Variants in SUDS3 observed in about 807,000 individuals in gnomAD.
The protein encoded by SUDS3 is sin3 histone deacetylase corepressor complex component SDS3.
Under a neutral mutation model 53.5 loss-of-function variants are expected in SUDS3, and 23 were observed. That is an observed-to-expected ratio of 0.43 (90% CI 0.31 to 0.61). The LOEUF is 0.61. SUDS3 is among the 20% of genes least tolerant of loss of function. The pLI is 0.10. For missense variants in SUDS3, 291 were observed against 405.9 expected, an observed-to-expected ratio of 0.72 and a Z score of 2.43; for synonymous variants, 150 against 148.5, an observed-to-expected ratio of 1.01 and a Z score of -0.08.
At chr12:118,405,399 C>A (rs965413541) in intron 10 of SUDS3, among the ~76,000 whole-genome samples, 3 of 152,014 alleles carry the variant, frequency 2.0e-5, no homozygotes, top group African/African-American at 7.3e-5. Context: ...AAATAAAATT[C>A]TTGTTTTTTT....
In SUDS3 at chr12:118,415,244, GGTA is replaced by G. The variant is rs1344129541; in HGVS notation, c.*818_*820del. ...CCTTCCTCTCCCTTGTTCCCAAGTA[GGTA>G]GTAGTAAGTATGTGCCACAGGCTGA... On this transcript the variant is annotated 3_prime_UTR_variant, in exon 12 of 12. Coordinates refer to ENST00000543473, the MANE Select transcript of SUDS3 (RefSeq NM_022491.3). The G allele has an allele frequency of 1.3e-5, 2 of 152,182 alleles. No homozygotes were observed. The highest frequency in any genetic ancestry group is 4.8e-5 in the African/African-American group (2 of 41,428). 9.4% of individuals were successfully genotyped at this position (152,182 alleles called of 1,614,324 possible). A position where few individuals can be genotyped will look rare whatever the true frequency, so the allele number is the denominator to read the frequency against.
chr12:118,389,401 G>A (rs1240155956), intron 4 of SUDS3, among the ~76,000 whole-genome samples: 1 of 152,166 alleles, frequency 6.6e-6, no homozygotes, highest in Non-Finnish European at 1.5e-5. Flanking sequence ...ACTGTTGGCG[G>A]GTGGACTGAG....
Position 118,376,583 on chromosome 12 carries a change from C to G in SUDS3, c.-109C>G. On this transcript the variant is annotated 5_prime_UTR_variant, in exon 1 of 12. Coordinates refer to ENST00000543473, the MANE Select transcript of SUDS3 (RefSeq NM_022491.3). ...GACGGGGAAGGGGTCGCCGTGGCTG[C>G]CGGTCCTCGAGTTGGGGGCTGCCGC... The G allele has an allele frequency of 8.1e-7, 1 of 1,234,222 alleles. No individual in the cohort carries two copies. Among genetic ancestry groups the G allele is most frequent in the Non-Finnish European group, 1.0e-6 (1 of 982,474 alleles). 76.5% of individuals were successfully genotyped at this position (1,234,222 alleles called of 1,614,324 possible). A position where few individuals can be genotyped will look rare whatever the true frequency, so the allele number is the denominator to read the frequency against.
chr12:118,388,434 C>T (rs2141367832), intron 4 of SUDS3, among the ~76,000 whole-genome samples: 1 of 152,212 alleles, frequency 6.6e-6, no homozygotes, highest in African/African-American at 2.4e-5. Context: ...ACGCACAGCC[C>T]CCTGTCACCC....
Position 118,386,587 on chromosome 12 carries a change from GTCT to G in SUDS3, c.340+407_340+409del, listed in dbSNP as rs1322313328. Among the ~76,000 whole-genome samples, 7 of 152,140 alleles carry G rather than the reference GTCT, an allele frequency of 4.6e-5. No individual in the cohort carries two copies. The East Asian group carries it at 5.8e-4, about 13-fold the overall frequency. On this transcript the variant is annotated intron_variant, in intron 4 of 11. Transcript: ENST00000543473. ...GTATTTTGTGCTAGGATTGGGGAGG[GTCT>G]TCTTGTTATTTTCCCCAAGTATTGT... is the stretch of plus-strand genomic sequence containing the variant.
At chr12:118,385,426 C>T (rs994271653) in intron 3 of SUDS3, among the ~76,000 whole-genome samples, 11 of 152,178 alleles carry the variant, frequency 7.2e-5, no homozygotes, top group Admixed American at 2.0e-4. Context: ...GCTGTTTCTA[C>T]TATGTGCTTT....
At chr12:118,403,900 A>G (rs1856591742) in intron 10 of SUDS3, among the ~76,000 whole-genome samples, 1 of 152,188 alleles carries the variant, frequency 6.6e-6, no homozygotes, top group Admixed American at 6.5e-5. Flanking sequence ...TTTGTGGTCA[A>G]ATCAGTTTGG....
chr12:118,376,924 T>C (rs2046002629), intron 1 of SUDS3, 91 bp downstream of exon 1: 2 of 1,336,224 alleles, frequency 1.5e-6, no homozygotes, highest in South Asian at 3.5e-5. Context: ...CGGGGCGGCC[T>C]CCGGGGCCTG....
At position 118,403,572 on chromosome 12, in the gene SUDS3, G is replaced by A. The variant is rs574628826; in HGVS notation, c.803+55G>A. The stretch of plus-strand genomic sequence containing the variant: ...GAGTCTCATATGAACCACTTGGAAA[G>A]AGGGCTGGGGCTATTGTAGTTATTT... On this transcript the variant is annotated intron_variant, in intron 10 of 11. Transcript: ENST00000543473. 1.4e-5 allele frequency: 20 copies of A among 1,385,680 alleles called. No homozygotes were observed. The South Asian group carries it at 2.2e-4, about 15-fold the overall frequency. The allele number at this position is 1,385,680 out of a possible 1,614,324, so 85.8% of individuals were successfully genotyped here. A position where few individuals can be genotyped will look rare whatever the true frequency, so the allele number is the denominator to read the frequency against.
intron 10 of SUDS3, among the ~76,000 whole-genome samples, chr12:118,409,392 A>G (rs1367502405): frequency 1.1e-4 from 16 of 152,034 alleles, no homozygotes; most frequent in African/African-American, 1.4e-4. Context: ...TGATCTGCCC[A>G]CCTTGGCCTC....
intron 10 of SUDS3, chr12:118,404,491 TG>T (rs2046292920): frequency 1.3e-5 from 2 of 152,266 alleles, no homozygotes; most frequent in Non-Finnish European, 2.9e-5. Context: ...CAAAACAGTA[TG>T]AAAGAACCTT....
At position 118,382,937 on chromosome 12, in the gene SUDS3, G is replaced by A. The variant is rs553906047; in HGVS notation, c.213-1075G>A. 1.3e-4 allele frequency among the ~76,000 whole-genome samples: 20 copies of A among 152,192 alleles called. No individual in the cohort carries two copies. The South Asian group carries it at 3.9e-3, about 30-fold the overall frequency. Reference sequence around the variant, plus strand: ...CCCGCCTCGGCCTCCTAAAGTGCTGGGATTACAGGCGTGAGCCACCTTGCC... The same window carrying A: ...CCCGCCTCGGCCTCCTAAAGTGCTGAGATTACAGGCGTGAGCCACCTTGCC... On this transcript the variant is annotated intron_variant, in intron 2 of 11. Coordinates refer to ENST00000543473, the MANE Select transcript of SUDS3 (RefSeq NM_022491.3).
chr12:118,409,391 C>T (rs1277973202), intron 10 of SUDS3, among the ~76,000 whole-genome samples: 10 of 152,118 alleles, frequency 6.6e-5, no homozygotes, highest in African/African-American at 1.4e-4. Flanking sequence ...GTGATCTGCC[C>T]ACCTTGGCCT....
chr12:118,385,064 G>A (rs894830417), intron 3 of SUDS3, among the ~76,000 whole-genome samples: 3 of 152,054 alleles, frequency 2.0e-5, no homozygotes, highest in Non-Finnish European at 4.4e-5. Context: ...TGAGCTCTTC[G>A]GTTTCATATT....
chr12:118,389,875 T>C, intron 4 of SUDS3, 52 bp from the exon 5 acceptor site: 1 of 1,611,512 alleles, frequency 6.2e-7, no homozygotes, highest in Non-Finnish European at 8.5e-7. Context: ...CATCACTGTC[T>C]AGAAAGGTGG....
chr12:118,391,602 C>G (rs976552206), intron 6 of SUDS3, among the ~76,000 whole-genome samples: 12 of 152,220 alleles, frequency 7.9e-5, no homozygotes, highest in African/African-American at 2.9e-4. Flanking sequence ...TAATTGCAAG[C>G]TCTGGCTTAG....
chr12:118,376,787 C>T lies in SUDS3; in HGVS notation c.96C>T (p.Ser32=), dbSNP rs1411757672. The change falls in exon 1 of 12, where the codon AGC becomes AGT. Residue 32 remains serine, a synonymous_variant. Transcript: ENST00000543473. ...CCGAGGAGGATGAAGAGCTGGAGAGCGCCGAGGACGACGAGCGCAGCTGTC... is the reference window on the plus strand; with the variant it reads ...CCGAGGAGGATGAAGAGCTGGAGAGTGCCGAGGACGACGAGCGCAGCTGTC... ...YYPEEDEELE[S]AEDDERSCRG... The T allele has an allele frequency of 3.2e-6, 5 of 1,552,754 alleles. No individual in the cohort carries two copies. Among genetic ancestry groups the T allele is most frequent in the Admixed American group, 1.9e-5 (1 of 52,840 alleles).
intron 10 of SUDS3, among the ~76,000 whole-genome samples, chr12:118,408,146 G>A (rs1372413062): frequency 4.6e-5 from 7 of 151,950 alleles, no homozygotes; most frequent in East Asian, 1.9e-4. Context: ...TGATATACCC[G>A]CCTCGGCCTC....
chr12:118,412,606 G>A (rs941750753), intron 11 of SUDS3, among the ~76,000 whole-genome samples: 7 of 152,184 alleles, frequency 4.6e-5, no homozygotes, highest in Admixed American at 6.5e-5. Context: ...GAGGTGTCAC[G>A]ATTTCATGGT....
Sources: gnomAD v4.1 joint callset for allele counts (sites outside exome capture counted in the v4.1 genomes callset) on GRCh38, gnomAD v4.1.1 for gene constraint, MANE v1.5 for transcripts, NCBI Gene and HGNC (gene_info 2026-07-23, HGNC 2026-07-21) for gene names.